The following PTPN4 variants were observed in gnomAD, a reference collection of about 807,000 sequenced individuals.
PTPN4 encodes the protein tyrosine-protein phosphatase non-receptor type 4.
In PTPN4, 49 loss-of-function variants were observed where a neutral mutation model predicts 135.5. The observed-to-expected ratio is 0.36, with a 90% CI of 0.29 to 0.46. The LOEUF (loss-of-function observed/expected upper bound fraction) is 0.46. PTPN4 is among the 20% of genes least tolerant of loss of function. PTPN4 has a pLI of 1.00. For synonymous variants in PTPN4, 333 were observed against 369.9 expected, an observed-to-expected ratio of 0.90 and a Z score of 1.14; for missense variants, 860 against 1,101.0, an observed-to-expected ratio of 0.78 and a Z score of 3.10.
intron 2 of PTPN4, among the ~76,000 whole-genome samples, chr2:119,860,710 A>G (rs1364594096): frequency 6.6e-6 from 1 of 152,204 alleles, no homozygotes; most frequent in East Asian, 1.9e-4. Context: ...TTCTGTTGCT[A>G]TAACAGAATA....
chr2:119,910,280 C>T (rs995128006), intron 10 of PTPN4, among the ~76,000 whole-genome samples: 3 of 151,948 alleles, frequency 2.0e-5, no homozygotes, highest in African/African-American at 2.4e-5. Context: ...TATAGTATAT[C>T]GAACTCTTAA....
At chr2:119,915,037 T>C (rs950999171) in intron 10 of PTPN4, 142 bp from the exon 11 acceptor site, 2 of 646,208 alleles carry the variant, frequency 3.1e-6, no homozygotes, top group Admixed American at 9.5e-5. Flanking sequence ...AGAAAAACTT[T>C]CAATTCTTTA....
chr2:119,850,384 G>A (rs1226409967), intron 2 of PTPN4, among the ~76,000 whole-genome samples: 2 of 152,226 alleles, frequency 1.3e-5, no homozygotes, highest in African/African-American at 2.4e-5. Context: ...CAGTATTCTG[G>A]ACCATCTGTG....
chr2:119,942,313 T>TTAGGCATAACTGAGTATTGCCACCGA, intron 15 of PTPN4, among the ~76,000 whole-genome samples: 1 of 152,184 alleles, frequency 6.6e-6, no homozygotes, highest in Non-Finnish European at 1.5e-5. Context: ...TATGCCACTG[T>TTAGGCATAACTGAGTATTGCCACCGA]TAGGCATAAC....
At chr2:119,848,884 C>G (rs368743018) in intron 2 of PTPN4, among the ~76,000 whole-genome samples, 8 of 152,200 alleles carry the variant, frequency 5.3e-5, no homozygotes. Flanking sequence ...CAGGCGTGAG[C>G]CACCACACCT....
At chr2:119,790,909 A>G (rs930729027) in intron 1 of PTPN4, among the ~76,000 whole-genome samples, 1 of 152,116 alleles carries the variant, frequency 6.6e-6, no homozygotes, top group Non-Finnish European at 1.5e-5. Flanking sequence ...GGGAACTGCA[A>G]CTTAATTCAG....
chr2:119,866,782 G>A (rs1269625828), intron 3 of PTPN4, among the ~76,000 whole-genome samples: 1 of 152,136 alleles, frequency 6.6e-6, no homozygotes, highest in Non-Finnish European at 1.5e-5. Flanking sequence ...AACAAGCCAT[G>A]TTTGAATACA....
At chr2:119,935,068 C>G in intron 15 of PTPN4, 110 bp downstream of exon 15, 1 of 1,284,702 alleles carries the variant, frequency 7.8e-7, no homozygotes, top group South Asian at 1.5e-5. Flanking sequence ...AATTATGCAA[C>G]TTTTCAAAAT....
intron 25 of PTPN4, among the ~76,000 whole-genome samples, chr2:119,967,372 C>T (rs1679459756): frequency 6.6e-6 from 1 of 151,944 alleles, no homozygotes; most frequent in African/African-American, 2.4e-5. Flanking sequence ...TCGCTTGAGC[C>T]CAGGAAGTAG....
intron 2 of PTPN4, among the ~76,000 whole-genome samples, chr2:119,856,292 A>T (rs2104983656): frequency 6.6e-6 from 1 of 152,296 alleles, no homozygotes; most frequent in South Asian, 2.1e-4. Context: ...GTGATGTTAC[A>T]GTATCTGAGA....
intron 13 of PTPN4, among the ~76,000 whole-genome samples, chr2:119,928,743 ACTTTC>A (rs1678860399): frequency 6.6e-6 from 1 of 152,118 alleles, no homozygotes; most frequent in African/African-American, 2.4e-5. Context: ...TATACTTAAA[ACTTTC>A]CTTTCTTAAC....
chr2:119,936,949 A>C (rs1340523775), intron 15 of PTPN4, among the ~76,000 whole-genome samples: 1 of 152,222 alleles, frequency 6.6e-6, no homozygotes, highest in Non-Finnish European at 1.5e-5. Flanking sequence ...AGTTCTGAAA[A>C]GATAAGCTTA....
At chr2:119,885,651 A>G (rs1678144772) in intron 8 of PTPN4, 144 bp from the exon 9 acceptor site, 1 of 452,034 alleles carries the variant, frequency 2.2e-6, no homozygotes, top group Admixed American at 4.0e-5. Flanking sequence ...CCCTCCAGAT[A>G]AGTTAGAGGA....
rs1482735168 is a variant in PTPN4 at position 119,977,962 on chromosome 2, G to A, written c.*892G>A. ...ATTTTAAAAAACAGCTATATTGAGT[G>A]TTATACAGTCAAAGAAGGGTAAGGA... On this transcript the variant is annotated 3_prime_UTR_variant, in exon 27 of 27. Coordinates refer to ENST00000263708, the MANE Select transcript of PTPN4 (RefSeq NM_002830.4). 6.6e-6 allele frequency: 1 copy of A among 152,138 alleles called. No homozygotes were observed. Among genetic ancestry groups the A allele is most frequent in the African/African-American group, 2.4e-5 (1 of 41,434 alleles). The allele number at this position is 152,138 out of a possible 1,614,324, so 9.4% of individuals were successfully genotyped here.
intron 1 of PTPN4, among the ~76,000 whole-genome samples, chr2:119,772,129 G>A (rs965195677): frequency 2.6e-5 from 4 of 152,148 alleles, no homozygotes; most frequent in African/African-American, 9.7e-5. Flanking sequence ...TGTTTCATTT[G>A]CATTGAAATA....
intron 12 of PTPN4, among the ~76,000 whole-genome samples, chr2:119,926,253 A>G (rs902395864): frequency 6.6e-6 from 1 of 152,168 alleles, no homozygotes; most frequent in African/African-American, 2.4e-5. Flanking sequence ...CTCTCTATCA[A>G]CAATTTCCCT....
intron 2 of PTPN4, among the ~76,000 whole-genome samples, chr2:119,835,817 C>G (rs1419295173): frequency 6.6e-6 from 1 of 152,082 alleles, no homozygotes; most frequent in Non-Finnish European, 1.5e-5. Flanking sequence ...CACCTGTAAT[C>G]CCAGCACTTT....
chr2:119,807,026 C>A (rs574092277), intron 1 of PTPN4, among the ~76,000 whole-genome samples: 2 of 152,218 alleles, frequency 1.3e-5, no homozygotes, highest in South Asian at 2.1e-4. Context: ...TTATTTGAAA[C>A]CAATGAGAAC....
intron 2 of PTPN4, among the ~76,000 whole-genome samples, chr2:119,814,931 A>G (rs943643263): frequency 3.3e-5 from 5 of 152,190 alleles, no homozygotes; most frequent in African/African-American, 1.2e-4. Context: ...GCTTTTATCT[A>G]TTTTGAAATC....
Sources: gnomAD v4.1 joint callset for allele counts (sites outside exome capture counted in the v4.1 genomes callset) on GRCh38, gnomAD v4.1.1 for gene constraint, MANE v1.5 for transcripts, NCBI Gene and HGNC (gene_info 2026-07-23, HGNC 2026-07-21) for gene names.